The following NRXN1 variants were observed in gnomAD, a reference collection of about 807,000 sequenced individuals.
NRXN1 encodes the protein neurexin 1, also known as neurexin-1.
In NRXN1, 39 loss-of-function variants were observed where a neutral mutation model predicts 150.9. The observed-to-expected ratio is 0.26, with a 90% CI of 0.20 to 0.34. NRXN1 has a LOEUF of 0.34. NRXN1 is among the 10% of genes least tolerant of loss of function. The pLI is 1.00. For missense variants in NRXN1, 1,815 were observed against 1,949.9 expected (o/e 0.93, Z 1.30); for synonymous variants, 924 against 757.0 (o/e 1.22, Z -3.62).
At chr2:50,820,900 A>G (rs1428400113) in intron 5 of NRXN1, among the ~76,000 whole-genome samples, 1 of 152,188 alleles carries the variant, frequency 6.6e-6, no homozygotes, top group Admixed American at 6.5e-5. Context: ...TATGGAGAGG[A>G]TAGGGATAAA....
chr2:50,079,482 C>T, intron 19 of NRXN1, among the ~76,000 whole-genome samples: 1 of 152,116 alleles, frequency 6.6e-6, no homozygotes, highest in Middle Eastern at 3.4e-3. Context: ...ATGAAAATTT[C>T]TTGATCTTTG....
chr2:50,610,728 T>C (rs943056355), intron 8 of NRXN1, among the ~76,000 whole-genome samples: 1 of 129,500 alleles, frequency 7.7e-6, no homozygotes, highest in African/African-American at 2.8e-5. Context: ...CTATAGTCAT[T>C]ACTAGAACAT....
At chr2:50,337,507 G>A (rs998798666) in intron 17 of NRXN1, among the ~76,000 whole-genome samples, 1 of 152,150 alleles carries the variant, frequency 6.6e-6, no homozygotes, top group Non-Finnish European at 1.5e-5. Context: ...TAAAATGGGA[G>A]AGTAAAGTAC....
At chr2:50,548,643 C>A (rs2093547334) in intron 9 of NRXN1, among the ~76,000 whole-genome samples, 1 of 151,186 alleles carries the variant, frequency 6.6e-6, no homozygotes, top group South Asian at 2.1e-4. Context: ...ACTGCTATAC[C>A]CAGGAATGTA....
chr2:50,733,053 G>T (rs1174812992), intron 5 of NRXN1, among the ~76,000 whole-genome samples: 1 of 152,112 alleles, frequency 6.6e-6, no homozygotes, highest in Non-Finnish European at 1.5e-5. Context: ...AATTATTAAT[G>T]TAACTGTCTT....
chr2:50,169,014 A>G (rs1257910111), intron 18 of NRXN1, among the ~76,000 whole-genome samples: 1 of 152,202 alleles, frequency 6.6e-6, no homozygotes, highest in Non-Finnish European at 1.5e-5. Context: ...TCACACACGG[A>G]ATGCTCATTA....
intron 5 of NRXN1, among the ~76,000 whole-genome samples, chr2:50,658,836 T>C (rs1686875480): frequency 6.6e-6 from 1 of 152,048 alleles, no homozygotes; most frequent in African/African-American, 2.4e-5. Context: ...TTCTTCTCCC[T>C]TTTTAGAGTT....
intron 2 of NRXN1, among the ~76,000 whole-genome samples, chr2:50,987,076 T>C (rs961522828): frequency 1.3e-5 from 2 of 151,888 alleles, no homozygotes; most frequent in South Asian, 2.1e-4. Context: ...CATTCAGTTA[T>C]ACAAATTAAA....
intron 2 of NRXN1, among the ~76,000 whole-genome samples, chr2:50,976,269 C>T (rs1575104971): frequency 6.7e-6 from 1 of 148,626 alleles, no homozygotes; most frequent in African/African-American, 2.5e-5. Flanking sequence ...AGTGGGGATT[C>T]TTTCTTGTAT....
intron 5 of NRXN1, among the ~76,000 whole-genome samples, chr2:50,669,169 C>T (rs1437372806): frequency 6.6e-6 from 1 of 151,820 alleles, no homozygotes; most frequent in Non-Finnish European, 1.5e-5. Context: ...AAGCTCTGAG[C>T]ATGTAGAAGG....
chr2:50,344,841 A>C (rs960701243), intron 17 of NRXN1, among the ~76,000 whole-genome samples: 1 of 152,106 alleles, frequency 6.6e-6, no homozygotes, highest in Admixed American at 6.5e-5. Flanking sequence ...ATTATTAGCC[A>C]AGTGCTTCCC....
chr2:50,460,160 C>T (rs1377096527), intron 17 of NRXN1, among the ~76,000 whole-genome samples: 2 of 152,068 alleles, frequency 1.3e-5, no homozygotes, highest in Non-Finnish European at 2.9e-5. Flanking sequence ...GTAAGACCAA[C>T]ATTGAAAGCC....
intron 2 of NRXN1, among the ~76,000 whole-genome samples, chr2:50,926,431 C>T (rs1283104472): frequency 2.6e-5 from 4 of 151,908 alleles, no homozygotes; most frequent in African/African-American, 9.7e-5. Context: ...TATCCATATG[C>T]CATTACTGCC....
intron 8 of NRXN1, among the ~76,000 whole-genome samples, chr2:50,582,244 A>G (rs1404803201): frequency 2.6e-5 from 4 of 152,180 alleles, no homozygotes; most frequent in Middle Eastern, 3.4e-3. Flanking sequence ...ATAAAAAATT[A>G]CTTTGCAGGG....
chr2:50,939,226 A>C (rs1485743044), intron 2 of NRXN1, among the ~76,000 whole-genome samples: 2 of 151,110 alleles, frequency 1.3e-5, no homozygotes, highest in African/African-American at 4.8e-5. Flanking sequence ...AAAAAAAAAA[A>C]AAAAAAAAAA....
intron 17 of NRXN1, among the ~76,000 whole-genome samples, chr2:50,323,121 T>G (rs1460510501): frequency 6.6e-6 from 1 of 152,202 alleles, no homozygotes; most frequent in Non-Finnish European, 1.5e-5. Context: ...AACAAATCCC[T>G]GAGGGGTCAA....
chr2:50,796,751 T>A (rs774785484), intron 5 of NRXN1, among the ~76,000 whole-genome samples: 1 of 152,218 alleles, frequency 6.6e-6, no homozygotes, highest in Non-Finnish European at 1.5e-5. Context: ...TAATTTTTCA[T>A]AACAATCCCA....
chr2:50,259,892 G>T (rs1008686654), intron 17 of NRXN1, among the ~76,000 whole-genome samples: 1 of 151,754 alleles, frequency 6.6e-6, no homozygotes, highest in Non-Finnish European at 1.5e-5. Context: ...CATCAAGGTG[G>T]TTTATCATTT....
chr2:49,964,099 T>A (rs1015536204), intron 21 of NRXN1, among the ~76,000 whole-genome samples: 3 of 152,180 alleles, frequency 2.0e-5, no homozygotes, highest in African/African-American at 7.2e-5. Context: ...ATGAAGTGTT[T>A]AAGCTATTTT....
Sources: gnomAD v4.1 joint callset for allele counts (sites outside exome capture counted in the v4.1 genomes callset) on GRCh38, gnomAD v4.1.1 for gene constraint, MANE v1.5 for transcripts, NCBI Gene and HGNC (gene_info 2026-07-23, HGNC 2026-07-21) for gene names.